TTC23: variants seen among roughly 807,000 people sequenced by gnomAD.
The protein encoded by TTC23 is tetratricopeptide repeat domain 23, also known as tetratricopeptide repeat protein 23.
Under a neutral mutation model 55.1 loss-of-function variants are expected in TTC23, and 58 were observed. That is an observed-to-expected ratio of 1.05 (90% CI 0.85 to 1.31). The LOEUF (loss-of-function observed/expected upper bound fraction) is 1.31, where lower values mean the gene tolerates loss of function less well. Among genes scored for constraint, TTC23 ranks in the 50% most tolerant of loss-of-function variants. The pLI is 0.00. For missense variants in TTC23, 516 were observed against 534.4 expected (o/e 0.97, Z 0.34); for synonymous variants, 203 against 199.9 (o/e 1.02, Z -0.13).
chr15:99,198,348 T>A (rs1398483297), intron 9 of TTC23, among the ~76,000 whole-genome samples: 7 of 152,178 alleles, frequency 4.6e-5, no homozygotes, highest in Non-Finnish European at 1.0e-4. Flanking sequence ...GAGTCATCTA[T>A]AACTCTTCCC....
intron 11 of TTC23, chr15:99,160,966 T>C (rs1049838466): frequency 1.3e-5 from 2 of 149,356 alleles, no homozygotes; most frequent in South Asian, 2.1e-4. Context: ...TGAGCTGAGA[T>C]TGCACCACTG....
chr15:99,150,868 C>T (rs1171374449), intron 12 of TTC23, among the ~76,000 whole-genome samples: 2 of 152,232 alleles, frequency 1.3e-5, no homozygotes, highest in South Asian at 2.1e-4. Flanking sequence ...AGCAACCCTA[C>T]AGCCAGCCAG....
At chr15:99,166,057 A>G (rs1208225633) in intron 10 of TTC23, among the ~76,000 whole-genome samples, 1 of 152,168 alleles carries the variant, frequency 6.6e-6, no homozygotes, top group East Asian at 1.9e-4. Context: ...GAAGACCTGC[A>G]GATGTATAAG....
At chr15:99,206,161 C>G (rs1201365487) in intron 8 of TTC23, among the ~76,000 whole-genome samples, 12 of 152,220 alleles carry the variant, frequency 7.9e-5, no homozygotes, top group Non-Finnish European at 1.6e-4. Context: ...ATCCTTGCAT[C>G]CCTGGGATGA....
chr15:99,161,490 T>C (rs1475199368), intron 11 of TTC23, among the ~76,000 whole-genome samples: 2 of 152,200 alleles, frequency 1.3e-5, no homozygotes, highest in African/African-American at 4.8e-5. Flanking sequence ...GCAGGGCCTG[T>C]CCACTATTTC....
At position 99,166,548 on chromosome 15, in the gene TTC23, C is replaced by T. The variant is rs2623195; in HGVS notation, c.866-4681G>A. 2.3e-3 allele frequency among the ~76,000 whole-genome samples: 349 copies of T among 152,186 alleles called. 1 individual carries two copies. The highest frequency in any genetic ancestry group is 8.0e-3 in the African/African-American group (332 of 41,546). Reference sequence around the variant, plus strand: ...AGGGAGGAAGGAAGGGAGGAGAGTGCGGAAGGAGTGTATTCCTTACATGAA... The same window carrying T: ...AGGGAGGAAGGAAGGGAGGAGAGTGTGGAAGGAGTGTATTCCTTACATGAA... On this transcript the variant is annotated intron_variant, in intron 10 of 13. Transcript: ENST00000394132.
At position 99,228,689 on chromosome 15, in the gene TTC23, G is replaced by A. The variant is rs760798569; in HGVS notation, c.24C>T (p.His8=). The A allele has an allele frequency of 1.9e-6, 3 of 1,608,272 alleles. No homozygotes were observed. In the East Asian group the frequency reaches 6.7e-5, roughly 36 times the overall value. The change falls in exon 5 of 14, where the codon CAC becomes CAT. Residue 8 remains histidine (H), a synonymous_variant. Coordinates refer to ENST00000394132, the MANE Select transcript of TTC23 (RefSeq NM_001288615.3). ...CAACTTCATCTAGGTGGTTGGATATGTGGGTTTCCTGTGATTCTTGCATAT... is the reference window on the plus strand; with the variant it reads ...CAACTTCATCTAGGTGGTTGGATATATGGGTTTCCTGTGATTCTTGCATAT... MQESQET[H]ISNHLDEVVA...
chr15:99,193,797 C>A (rs956038578), intron 9 of TTC23, among the ~76,000 whole-genome samples: 2 of 152,084 alleles, frequency 1.3e-5, no homozygotes, highest in African/African-American at 4.8e-5. Context: ...CACTTGAGGT[C>A]AAGAGTTCAA....
chr15:99,180,770 C>A (rs1462742307), intron 9 of TTC23, among the ~76,000 whole-genome samples: 1 of 152,196 alleles, frequency 6.6e-6, no homozygotes, highest in Non-Finnish European at 1.5e-5. Context: ...AGAGCAAAAT[C>A]TCTCCTACAG....
chr15:99,232,709 A>G (rs915904869), intron 4 of TTC23, among the ~76,000 whole-genome samples: 5 of 152,212 alleles, frequency 3.3e-5, no homozygotes, highest in African/African-American at 1.2e-4. Context: ...GTGGGAATGT[A>G]AATTATGGAA....
chr15:99,224,237 A>C (rs2078196415), intron 5 of TTC23, among the ~76,000 whole-genome samples: 1 of 152,250 alleles, frequency 6.6e-6, no homozygotes, highest in South Asian at 2.1e-4. Flanking sequence ...CTACAAAAAT[A>C]ATGTATGCTC....
intron 5 of TTC23, among the ~76,000 whole-genome samples, chr15:99,224,037 A>G (rs2152058147): frequency 6.6e-6 from 1 of 152,194 alleles, no homozygotes; most frequent in East Asian, 1.9e-4. Context: ...TTTCCACACA[A>G]TTCCTACATG....
At chr15:99,240,967 T>C (rs1368363018) in intron 3 of TTC23, among the ~76,000 whole-genome samples, 1 of 152,204 alleles carries the variant, frequency 6.6e-6, no homozygotes, top group East Asian at 1.9e-4. Flanking sequence ...GGCCTTACTT[T>C]AAATGTATGT....
At chr15:99,159,728 G>C (rs146548384) in intron 11 of TTC23, 1 of 152,218 alleles carries the variant, frequency 6.6e-6, no homozygotes, top group Non-Finnish European at 1.5e-5. Context: ...TGAGGGCATC[G>C]GGGAGCCAGT....
intron 4 of TTC23, among the ~76,000 whole-genome samples, chr15:99,233,790 G>A (rs1327023738): frequency 1.3e-5 from 2 of 152,152 alleles, no homozygotes; most frequent in African/African-American, 4.8e-5. Context: ...CTATATTTAT[G>A]ATAAAGCTAC....
At position 99,219,051 on chromosome 15, in the gene TTC23, G is replaced by A. The variant is rs774601922; in HGVS notation, c.305-3C>T. On this transcript the variant is annotated splice_polypyrimidine_tract_variant and splice_region_variant and intron_variant, in intron 6 of 13. Coordinates refer to ENST00000394132, the MANE Select transcript of TTC23 (RefSeq NM_001288615.3). ...TTGTTTTGCTTGCAGTGACAGTCCT[G>A]TGGACAAAGAAAAAGAGGTCTCAGT... 3 of 1,613,602 alleles carry A rather than the reference G, an allele frequency of 1.9e-6. No individual in the cohort carries two copies. The highest frequency in any genetic ancestry group is 1.1e-5 in the South Asian group (1 of 91,016).
intron 10 of TTC23, among the ~76,000 whole-genome samples, chr15:99,169,469 G>A (rs934232769): frequency 6.6e-6 from 1 of 152,182 alleles, no homozygotes; most frequent in East Asian, 1.9e-4. Context: ...CTATTCCCAG[G>A]TGTCCATGTC....
chr15:99,156,033 T>A, intron 12 of TTC23, 115 bp downstream of exon 12: 1 of 1,443,450 alleles, frequency 6.9e-7, no homozygotes, highest in Non-Finnish European at 9.5e-7. Context: ...TGTCATCCTA[T>A]CTAAACAAGC....
intron 8 of TTC23, 77 bp downstream of exon 8, chr15:99,218,511 C>G: frequency 6.3e-7 from 1 of 1,588,388 alleles, no homozygotes; most frequent in Non-Finnish European, 8.6e-7. Context: ...TGGAGATGCT[C>G]CTCCTACCTG....
Sources: allele counts gnomAD v4.1 joint callset (sites outside exome capture counted in the v4.1 genomes callset), GRCh38; gene constraint gnomAD v4.1.1; transcripts MANE v1.5; gene names NCBI Gene and HGNC (gene_info 2026-07-23, HGNC 2026-07-21).